The following RYR2 variants were observed in gnomAD, a reference collection of about 807,000 sequenced individuals.
RYR2 encodes the protein cardiac muscle ryanodine receptor-calcium release channel.
Under a neutral mutation model 601.1 loss-of-function variants are expected in RYR2, and 227 were observed. That is an observed-to-expected ratio of 0.38 (90% confidence interval 0.34 to 0.42). The LOEUF (loss-of-function observed/expected upper bound fraction) is 0.42, where lower values mean the gene tolerates loss of function less well. Ranked by LOEUF, RYR2 falls within the 10% of genes least tolerant of loss-of-function variation. The probability of loss-of-function intolerance (pLI) is 1.00; values close to 1 mark genes in which losing one functional copy is unlikely to be tolerated. For synonymous variants in RYR2, 2,223 were observed against 2,175.1 expected (o/e 1.02, Z -0.61); for missense variants, 4,646 against 6,156.5 (o/e 0.75, Z 8.21).
chr1:237,696,571 C>G (rs1231169063), intron 63 of RYR2, among the ~76,000 whole-genome samples: 1 of 142,156 alleles, frequency 7.0e-6, no homozygotes, highest in Non-Finnish European at 1.5e-5. Flanking sequence ...ATTGCCTATT[C>G]TACATCTTTA....
At chr1:237,491,434 C>T (rs939164257) in intron 17 of RYR2, among the ~76,000 whole-genome samples, 2 of 152,172 alleles carry the variant, frequency 1.3e-5, no homozygotes. Flanking sequence ...ACGTTCAAGA[C>T]TTTACTCATG....
chr1:237,626,739 A>C (rs191855692), intron 40 of RYR2, among the ~76,000 whole-genome samples: 3 of 151,282 alleles, frequency 2.0e-5, no homozygotes, highest in Non-Finnish European at 1.5e-5. Flanking sequence ...ACGCCTGATT[A>C]GTTTTTATAT....
chr1:237,762,921 A>T (rs922561960), intron 84 of RYR2, among the ~76,000 whole-genome samples: 1 of 152,180 alleles, frequency 6.6e-6, no homozygotes, highest in Admixed American at 6.5e-5. Flanking sequence ...GGTAATTATT[A>T]AAAATGAACT....
intron 100 of RYR2, among the ~76,000 whole-genome samples, chr1:237,817,247 A>AC (rs1162628232): frequency 2.0e-5 from 3 of 152,072 alleles, no homozygotes; most frequent in Admixed American, 2.0e-4. Context: ...AACCCAGGAG[A>AC]CTTTTTCTCC....
intron 8 of RYR2, among the ~76,000 whole-genome samples, chr1:237,379,350 A>G (rs572396271): frequency 2.0e-5 from 3 of 152,202 alleles, no homozygotes; most frequent in African/African-American, 4.8e-5. Flanking sequence ...CATCTATTCT[A>G]CAACTAACTA....
At chr1:237,730,068 A>G (rs553305723) in intron 76 of RYR2, among the ~76,000 whole-genome samples, 192 bp from the exon 77 acceptor site, 6 of 152,290 alleles carry the variant, frequency 3.9e-5, no homozygotes, top group South Asian at 2.1e-4. Flanking sequence ...CTGAGCCAGG[A>G]TTGAAATGCA....
chr1:237,815,320 A>T (rs995079065), intron 100 of RYR2, among the ~76,000 whole-genome samples: 10 of 152,140 alleles, frequency 6.6e-5, no homozygotes, highest in African/African-American at 2.4e-4. Context: ...GCAGCAGGAT[A>T]ATTTGGTAGC....
At chr1:237,423,976 T>TGA (rs1272762545) in intron 12 of RYR2, among the ~76,000 whole-genome samples, 3 of 151,538 alleles carry the variant, frequency 2.0e-5, no homozygotes, top group South Asian at 2.1e-4. Context: ...TGGAGGCAGG[T>TGA]GAGAGAGAGA....
intron 1 of RYR2, among the ~76,000 whole-genome samples, chr1:237,088,727 A>G (rs765504435): frequency 1.3e-5 from 2 of 152,194 alleles, no homozygotes; most frequent in East Asian, 1.9e-4. Context: ...TTTTCTACCT[A>G]CAAAATACAT....
intron 48 of RYR2, among the ~76,000 whole-genome samples, chr1:237,645,459 T>G (rs1376000819): frequency 6.6e-6 from 1 of 152,214 alleles, no homozygotes; most frequent in Non-Finnish European, 1.5e-5. Flanking sequence ...TACTCTATAC[T>G]TTGAGCCACA....
At chr1:237,301,507 C>T (rs1693350567) in intron 2 of RYR2, among the ~76,000 whole-genome samples, 1 of 152,120 alleles carries the variant, frequency 6.6e-6, no homozygotes, top group African/African-American at 2.4e-5. Context: ...GATAAGAGTT[C>T]AAACAGTCAC....
intron 101 of RYR2, among the ~76,000 whole-genome samples, chr1:237,820,747 G>A (rs1193151698): frequency 2.0e-5 from 3 of 152,132 alleles, no homozygotes; most frequent in Non-Finnish European, 2.9e-5. Flanking sequence ...CCACCCCCAC[G>A]GAGCCCAGCA....
chr1:237,160,774 A>C (rs1369957274), intron 1 of RYR2, among the ~76,000 whole-genome samples: 3 of 152,178 alleles, frequency 2.0e-5, no homozygotes, highest in Non-Finnish European at 2.9e-5. Context: ...AAAAAAACCC[A>C]AAAGAACTAA....
intron 10 of RYR2, among the ~76,000 whole-genome samples, chr1:237,406,050 T>A (rs1161491302): frequency 2.0e-5 from 3 of 151,676 alleles, no homozygotes; most frequent in East Asian, 2.0e-4. Context: ...TTTCTTTGCA[T>A]GCTGAATTCT....
chr1:237,501,112 C>T (rs1359110260), intron 21 of RYR2, among the ~76,000 whole-genome samples: 1 of 151,804 alleles, frequency 6.6e-6, no homozygotes, highest in African/African-American at 2.4e-5. Context: ...GTTTACGGAT[C>T]CCACAGTGTT....
intron 1 of RYR2, among the ~76,000 whole-genome samples, chr1:237,092,463 A>G (rs1185583232): frequency 6.6e-6 from 1 of 151,098 alleles, no homozygotes; most frequent in Non-Finnish European, 1.5e-5. Context: ...ATTTTAAAAT[A>G]TATGTAAACA....
chr1:237,123,064 C>T (rs781607875), intron 1 of RYR2, among the ~76,000 whole-genome samples: 10 of 152,226 alleles, frequency 6.6e-5, no homozygotes, highest in South Asian at 4.2e-4. Context: ...AATTTGTGTG[C>T]GTGTGTTTTG....
intron 1 of RYR2, among the ~76,000 whole-genome samples, chr1:237,208,478 G>A (rs1439157273): frequency 6.6e-6 from 1 of 152,168 alleles, no homozygotes; most frequent in Non-Finnish European, 1.5e-5. Context: ...GTGCTGAGCA[G>A]TATATGCTTC....
intron 63 of RYR2, among the ~76,000 whole-genome samples, chr1:237,698,330 A>G (rs1041604242): frequency 4.6e-5 from 7 of 152,128 alleles, no homozygotes; most frequent in Admixed American, 3.9e-4. Context: ...AGTGAATTTT[A>G]TATTACTTTC....
Sources: allele counts gnomAD v4.1 joint callset (sites outside exome capture counted in the v4.1 genomes callset), GRCh38; gene constraint gnomAD v4.1.1; transcripts MANE v1.5; gene names NCBI Gene and HGNC (gene_info 2026-07-23, HGNC 2026-07-21).